NYAP2: variants seen among roughly 807,000 people sequenced by gnomAD.
The protein encoded by NYAP2 is neuronal tyrosine-phosphorylated phosphoinositide-3-kinase adaptor 2, also known as neuronal tyrosine-phosphorylated phosphoinositide-3-kinase adapter 2.
NYAP2 carries 23 observed loss-of-function variants against 50.4 expected under a neutral mutation model. That is an observed-to-expected ratio of 0.46 (90% confidence interval 0.33 to 0.65). The LOEUF (loss-of-function observed/expected upper bound fraction) is 0.65, where lower values mean the gene tolerates loss of function less well. NYAP2 is among the 30% of genes least tolerant of loss of function. The pLI is 0.02. For synonymous variants in NYAP2, 394 were observed against 365.2 expected (o/e 1.08, Z -0.90); for missense variants, 885 against 861.0 (o/e 1.03, Z -0.35).
intron 3 of NYAP2, among the ~76,000 whole-genome samples, chr2:225,449,119 A>G (rs951745195): frequency 6.6e-6 from 1 of 152,256 alleles, no homozygotes; most frequent in African/African-American, 2.4e-5. Context: ...TAAGTGGTAG[A>G]TATTCTCCTA....
intron 3 of NYAP2, among the ~76,000 whole-genome samples, chr2:225,493,994 C>T (rs1031572223): frequency 2.6e-5 from 4 of 152,110 alleles, no homozygotes; most frequent in Admixed American, 1.3e-4. Flanking sequence ...AGTCAATGGC[C>T]GTGAAATTTC....
At position 225,448,938 on chromosome 2, in the gene NYAP2, G is replaced by T. The variant is rs143478997; in HGVS notation, c.221+39837G>T. Among the ~76,000 whole-genome samples the T allele has an allele frequency of 1.1e-4, 17 of 152,292 alleles. No individual in the cohort carries two copies. In the Middle Eastern group the frequency reaches 0.01, roughly 91 times the overall value. On this transcript the variant is annotated intron_variant, in intron 3 of 6. Transcript: ENST00000636099. ...AGCGAAAAGGACACGATGTGTTTAT[G>T]TTGGGGCATTTCTGTACAAACTGCA...
the NYAP2 span, among the ~76,000 whole-genome samples, chr2:225,678,747 T>G: frequency 1.3e-5 from 2 of 152,146 alleles, no homozygotes; most frequent in African/African-American, 4.8e-5. Context: ...ACTGAAATAC[T>G]AACTTATGAA....
chr2:225,481,122 T>G (rs1690199737), intron 3 of NYAP2, among the ~76,000 whole-genome samples: 1 of 151,938 alleles, frequency 6.6e-6, no homozygotes, highest in Non-Finnish European at 1.5e-5. Context: ...TGACTATTGA[T>G]CTCTACTGTT....
intron 4 of NYAP2, among the ~76,000 whole-genome samples, chr2:225,551,822 CT>C (rs1559212333): frequency 6.6e-6 from 1 of 151,992 alleles, no homozygotes; most frequent in Non-Finnish European, 1.5e-5. Context: ...AATTGCTTTT[CT>C]TTTTTTGAGA....
At chr2:225,446,103 C>T (rs183323572) in intron 3 of NYAP2, among the ~76,000 whole-genome samples, 1 of 151,704 alleles carries the variant, frequency 6.6e-6, no homozygotes, top group Non-Finnish European at 1.5e-5. Flanking sequence ...ACCATTCGAA[C>T]CCGGGAGGCG....
At chr2:225,416,520 C>G (rs1475127922) in intron 3 of NYAP2, among the ~76,000 whole-genome samples, 1 of 152,038 alleles carries the variant, frequency 6.6e-6, no homozygotes, top group Non-Finnish European at 1.5e-5. Context: ...TTAATACAAA[C>G]TTCAGAATTT....
intron 4 of NYAP2, among the ~76,000 whole-genome samples, chr2:225,553,397 T>A (rs891608693): frequency 2.0e-5 from 3 of 152,170 alleles, no homozygotes; most frequent in Admixed American, 1.3e-4. Flanking sequence ...AACTCCAGAA[T>A]CACAGGGCTG....
intron 5 of NYAP2, among the ~76,000 whole-genome samples, chr2:225,602,710 G>C (rs1692713902): frequency 6.6e-6 from 1 of 152,096 alleles, no homozygotes; most frequent in Non-Finnish European, 1.5e-5. Flanking sequence ...AACCTACTTT[G>C]TTGAAAAGAT....
rs747163915 is a variant in NYAP2, at chr2:225,582,544, C to A, written c.1127C>A (p.Ala376Asp). 12 of 1,576,256 alleles carry A rather than the reference C, an allele frequency of 7.6e-6. No homozygotes were observed. Among genetic ancestry groups the A allele is most frequent in the Non-Finnish European group, 1.0e-5 (12 of 1,160,102 alleles). Residue 376 changes from alanine (A) to aspartate (D), a missense_variant, in exon 5 of 7, where the codon GCC becomes GAC. By Grantham distance (126) the Ala-to-Asp change is moderately radical. Coordinates refer to ENST00000636099, the Ensembl canonical transcript of NYAP2. This position sits in a 1 kb window ranked among gnomAD's most constrained non-coding sequence, Gnocchi z 7.0. The stretch of plus-strand genomic sequence containing the variant: ...AACGTGTCTTACATGAAACAGCCAG[C>A]CGGGGCGTCGCCCTCCACGCTGCCG...
chr2:225,592,094 C>T (rs1036607914), intron 5 of NYAP2, among the ~76,000 whole-genome samples: 2 of 152,144 alleles, frequency 1.3e-5, no homozygotes, highest in Non-Finnish European at 2.9e-5. Flanking sequence ...CTAAGCATAA[C>T]TTAAGGATGT....
In NYAP2 at chr2:225,498,727, A is replaced by G. The variant is rs528755068; in HGVS notation, c.222-14644A>G. On this transcript the variant is annotated intron_variant, in intron 3 of 6. Transcript: ENST00000636099. ...GGAATAGATGTGAAATCTAGGTAGA[A>G]GAGGAAGAATCGGTTGACAGTTTGA... 2.6e-5 allele frequency among the ~76,000 whole-genome samples: 4 copies of G among 152,312 alleles called. No individual in the cohort carries two copies. In the East Asian group the frequency reaches 7.7e-4, roughly 29 times the overall value.
At chr2:225,678,174 T>C in the NYAP2 span, among the ~76,000 whole-genome samples, 1 of 151,880 alleles carries the variant, frequency 6.6e-6, no homozygotes, top group African/African-American at 2.4e-5. Context: ...AATTTATCAA[T>C]TTTGTCTAGA....
the NYAP2 span, among the ~76,000 whole-genome samples, chr2:225,667,043 G>T: frequency 1.3e-5 from 2 of 152,170 alleles, no homozygotes; most frequent in African/African-American, 4.8e-5. Context: ...TTTATGGTTT[G>T]TAGGGCATGA....
At chr2:225,424,860 T>C (rs1186421634) in intron 3 of NYAP2, among the ~76,000 whole-genome samples, 2 of 152,118 alleles carry the variant, frequency 1.3e-5, no homozygotes, top group African/African-American at 4.8e-5. Context: ...TCTTCTCTAG[T>C]CTCTGAACTA....
chr2:225,544,079 A>T (rs1040590370), intron 4 of NYAP2, among the ~76,000 whole-genome samples: 7 of 151,976 alleles, frequency 4.6e-5, no homozygotes, highest in African/African-American at 1.7e-4. Flanking sequence ...CCTGGAAATA[A>T]GTTCCTGATA....
chr2:225,530,608 G>A (rs182131414), intron 4 of NYAP2, among the ~76,000 whole-genome samples: 2 of 152,208 alleles, frequency 1.3e-5, no homozygotes, highest in Admixed American at 1.3e-4. Context: ...CTTAAATGAT[G>A]TCTCTGAACT....
downstream of NYAP2, among the ~76,000 whole-genome samples, chr2:225,657,578 C>A (rs1212556877): frequency 7.1e-6 from 1 of 140,220 alleles, no homozygotes; most frequent in African/African-American, 2.7e-5. Context: ...TTGCTGTGAA[C>A]CTAAAACTGC....
chr2:225,421,239 G>A, intron 3 of NYAP2, among the ~76,000 whole-genome samples: 1 of 152,144 alleles, frequency 6.6e-6, no homozygotes, highest in East Asian at 1.9e-4. Context: ...TAGGATGCTT[G>A]TTACTAGACT....
Sources: gnomAD v4.1 joint callset for allele counts (sites outside exome capture counted in the v4.1 genomes callset) on GRCh38, gnomAD v4.1.1 for gene constraint, Gnocchi (gnomAD v3.1) non-coding constraint, MANE v1.5 for transcripts, NCBI Gene and HGNC (gene_info 2026-07-23, HGNC 2026-07-21) for gene names.